The following MAN2A1 variants were observed in gnomAD, a reference collection of about 807,000 sequenced individuals.
MAN2A1 encodes the protein mannosidase alpha class 2A member 1, also known as alpha-mannosidase 2.
MAN2A1 carries 76 observed loss-of-function variants against 142.6 expected under a neutral mutation model. That is an observed-to-expected ratio of 0.53 (90% CI 0.44 to 0.65). The LOEUF is 0.65. MAN2A1 is among the 30% of genes least tolerant of loss of function. The pLI, the probability that MAN2A1 is intolerant of heterozygous loss-of-function variation, is 0.00. For synonymous variants in MAN2A1, 559 were observed against 473.2 expected, an observed-to-expected ratio of 1.18 and a Z score of -2.35; for missense variants, 1,311 against 1,365.1, an observed-to-expected ratio of 0.96 and a Z score of 0.62.
At chr5:109,761,148 TTTC>T (rs1468190495) in intron 5 of MAN2A1, among the ~76,000 whole-genome samples, 3 of 150,508 alleles carry the variant, frequency 2.0e-5, no homozygotes, top group African/African-American at 7.3e-5. Context: ...TTTTATATAA[TTTC>T]TTATTAGTTA....
intron 1 of MAN2A1, among the ~76,000 whole-genome samples, chr5:109,690,784 C>CATCG (rs1433757514): frequency 2.6e-4 from 39 of 152,082 alleles, no homozygotes; most frequent in Non-Finnish European, 4.9e-4. Flanking sequence ...CGGCATCATC[C>CATCG]CGCTCAGGAA....
chr5:109,699,612 T>C (rs1750916586), intron 1 of MAN2A1: 1 of 150,380 alleles, frequency 6.6e-6, no homozygotes, highest in South Asian at 2.1e-4. Flanking sequence ...AGAGCTCGTT[T>C]GGAGGTTCCA....
At chr5:109,851,088 G>A (rs1399522647) in intron 19 of MAN2A1, among the ~76,000 whole-genome samples, 3 of 152,140 alleles carry the variant, frequency 2.0e-5, no homozygotes, top group Admixed American at 2.0e-4. Context: ...TTAATGGGAA[G>A]CCCTGAGCAT....
At chr5:109,839,465 A>T (rs1755142799) in intron 16 of MAN2A1, among the ~76,000 whole-genome samples, 1 of 151,582 alleles carries the variant, frequency 6.6e-6, no homozygotes, top group Non-Finnish European at 1.5e-5. Context: ...GGAAATGTAC[A>T]TGTGTAGGTA....
In MAN2A1 at chr5:109,690,232, G is replaced by A. The variant is rs987563616; in HGVS notation, c.-186G>A. The A allele has an allele frequency of 1.1e-5, 7 of 630,064 alleles. No individual in the cohort carries two copies. Among genetic ancestry groups the A allele is most frequent in the Middle Eastern group, 4.3e-4 (1 of 2,342 alleles). The allele number at this position is 630,064 out of a possible 1,614,324, so 39.0% of individuals were successfully genotyped here. A position where few individuals can be genotyped will look rare whatever the true frequency, so the allele number is the denominator to read the frequency against. On this transcript the variant is annotated 5_prime_UTR_variant, in exon 1 of 22. Transcript: ENST00000261483. ...GGGAGGGCGGCAGGCCAGGGCGAAG[G>A]CCAAGGGCGTGTGGTGGCGCCGGAG...
At chr5:109,776,558 A>G (rs1753298218) in intron 8 of MAN2A1, among the ~76,000 whole-genome samples, 1 of 152,124 alleles carries the variant, frequency 6.6e-6, no homozygotes, top group Non-Finnish European at 1.5e-5. Flanking sequence ...TGATTTTAGT[A>G]TTCTACCTAT....
At chr5:109,716,327 A>G in intron 3 of MAN2A1, 63 bp downstream of exon 3, 1 of 1,412,820 alleles carries the variant, frequency 7.1e-7, no homozygotes, top group South Asian at 1.4e-5. Flanking sequence ...GAGTCTTTTA[A>G]TGAGAATCTG....
chr5:109,756,569 C>T (rs540120965), intron 5 of MAN2A1, among the ~76,000 whole-genome samples: 76 of 152,182 alleles, frequency 5.0e-4, no homozygotes, highest in African/African-American at 1.7e-3. Flanking sequence ...CTCATAAACC[C>T]TTCACCCAGA....
At chr5:109,748,401 CT>C (rs11343270) in intron 4 of MAN2A1, among the ~76,000 whole-genome samples, 17,360 of 133,530 alleles carry the variant, frequency 0.13, 1,233 homozygotes, top group African/African-American at 0.25. Flanking sequence ...TATCTTTTGC[CT>C]TTTTTTTTTT....
rs1311474815 is a variant in MAN2A1 at position 109,820,355 on chromosome 5, G to A, written c.2451+13G>A. The A allele has an allele frequency of 6.3e-7, 1 of 1,598,128 alleles. No individual in the cohort carries two copies. The highest frequency in any genetic ancestry group is 1.1e-5 in the South Asian group (1 of 87,498). ...TGGTAATGCCAAGGTAAGTGGTACT[G>A]ATGAGATGACAAATGGAATAAACAC... On this transcript the variant is annotated intron_variant, in intron 15 of 21. Coordinates refer to ENST00000261483, the MANE Select transcript of MAN2A1 (RefSeq NM_002372.4).
intron 4 of MAN2A1, among the ~76,000 whole-genome samples, chr5:109,731,621 T>C (rs1751915386): frequency 1.3e-5 from 2 of 150,436 alleles, no homozygotes. Context: ...GTTTGGTTTT[T>C]TGTCCTTGCG....
intron 12 of MAN2A1, among the ~76,000 whole-genome samples, chr5:109,795,318 C>T (rs1010352112): frequency 7.2e-5 from 11 of 152,116 alleles, no homozygotes; most frequent in African/African-American, 2.7e-4. Context: ...TTTATGACAT[C>T]AGGAATGATG....
intron 5 of MAN2A1, among the ~76,000 whole-genome samples, chr5:109,758,301 A>G (rs886639269): frequency 6.6e-6 from 1 of 152,072 alleles, no homozygotes; most frequent in African/African-American, 2.4e-5. Flanking sequence ...TTTCATGTGT[A>G]TATCAGCTGC....
intron 19 of MAN2A1, among the ~76,000 whole-genome samples, chr5:109,849,278 C>T (rs1005287371): frequency 6.6e-6 from 1 of 152,206 alleles, no homozygotes; most frequent in African/African-American, 2.4e-5. Flanking sequence ...GTAGAAGCCA[C>T]TAATACATAT....
chr5:109,739,406 C>T (rs976999421), intron 4 of MAN2A1, among the ~76,000 whole-genome samples: 28 of 151,970 alleles, frequency 1.8e-4, no homozygotes, highest in African/African-American at 6.8e-4. Flanking sequence ...AATTCAAGTA[C>T]GTTGTTATTG....
Position 109,789,006 on chromosome 5 carries a change from A to T in MAN2A1, c.1833A>T (p.Lys611Asn). The change falls in exon 11 of 22, where the codon AAA (lysine) becomes AAT (asparagine). Residue 611 changes from lysine to asparagine, a missense_variant. By Grantham distance (94) the Lys-to-Asn change is moderately conservative. Coordinates refer to ENST00000261483, the MANE Select transcript of MAN2A1 (RefSeq NM_002372.4). Reference sequence around the variant, plus strand: ...CATTTCTTCTTATTTTGAAGGACAAACTCACATACGACTCTTACTCTCCTG... The same window carrying T: ...CATTTCTTCTTATTTTGAAGGACAATCTCACATACGACTCTTACTCTCCTG... Reference protein sequence around the residue: ...NSAFLLILKDKLTYDSYSPDT... With the variant: ...NSAFLLILKDNLTYDSYSPDT... 1 of 1,603,886 alleles carries T rather than the reference A, an allele frequency of 6.2e-7. No individual in the cohort carries two copies. Among genetic ancestry groups the T allele is most frequent in the East Asian group, 2.2e-5 (1 of 44,602 alleles).
At chr5:109,818,611 T>G (rs911279705) in intron 13 of MAN2A1, among the ~76,000 whole-genome samples, 10 of 152,176 alleles carry the variant, frequency 6.6e-5, no homozygotes, top group African/African-American at 2.4e-4. Flanking sequence ...TTATATTATG[T>G]TTATCATTTT....
intron 15 of MAN2A1, 36 bp downstream of exon 15, chr5:109,820,378 C>A: frequency 6.4e-7 from 1 of 1,572,186 alleles, no homozygotes; most frequent in Non-Finnish European, 8.6e-7. Flanking sequence ...ATGGAATAAA[C>A]ACTTATTGAA....
At chr5:109,841,917 A>G (rs1755214820) in intron 16 of MAN2A1, among the ~76,000 whole-genome samples, 5 of 152,314 alleles carry the variant, frequency 3.3e-5, no homozygotes, top group South Asian at 4.1e-4. Flanking sequence ...TTTCTGGTCT[A>G]TAAGGAGAGA....
Sources: gnomAD v4.1 joint callset for allele counts (sites outside exome capture counted in the v4.1 genomes callset) on GRCh38, gnomAD v4.1.1 for gene constraint, MANE v1.5 for transcripts, NCBI Gene and HGNC (gene_info 2026-07-23, HGNC 2026-07-21) for gene names.